Variants in ACTR3B observed in about 807,000 individuals in gnomAD.
The protein encoded by ACTR3B is actin-related protein 3B.
A neutral mutation model predicts 59.0 loss-of-function variants in ACTR3B; 8 were observed. That is an observed-to-expected ratio of 0.14 (90% CI 0.08 to 0.24). The LOEUF is 0.24. Among genes scored for constraint, ACTR3B ranks in the 10% least tolerant of loss-of-function variants. The pLI is 1.00. For missense variants in ACTR3B, 245 were observed against 552.3 expected, an observed-to-expected ratio of 0.44 and a Z score of 5.58; for synonymous variants, 148 against 197.9, an observed-to-expected ratio of 0.75 and a Z score of 2.12.
chr7:152,821,508 C>T (rs889956221), intron 7 of ACTR3B, among the ~76,000 whole-genome samples: 17 of 152,158 alleles, frequency 1.1e-4, no homozygotes, highest in African/African-American at 3.9e-4. Flanking sequence ...TTGTTATTGA[C>T]GCCCAGGGTC....
chr7:152,843,159 TG>T (rs1488975873), intron 9 of ACTR3B, among the ~76,000 whole-genome samples: 5 of 152,178 alleles, frequency 3.3e-5, no homozygotes, highest in Non-Finnish European at 7.3e-5. Context: ...TTCATATTCT[TG>T]GTGGTTTTTG....
In ACTR3B at chr7:152,853,479, T is replaced by C; in HGVS notation, c.1078-15T>C. 1 of 1,612,710 alleles carries C rather than the reference T, an allele frequency of 6.2e-7. No homozygotes were observed. The highest frequency in any genetic ancestry group is 1.1e-5 in the South Asian group (1 of 90,864). On this transcript the variant is annotated splice_polypyrimidine_tract_variant and intron_variant, in intron 10 of 11. Transcript: ENST00000256001. Reference sequence around the variant, plus strand: ...CTGTGGGTGTGGGGTAAGTGAGAGCTGCTTTCTCTTCCAGCCGAAGCCTGT... The same window carrying C: ...CTGTGGGTGTGGGGTAAGTGAGAGCCGCTTTCTCTTCCAGCCGAAGCCTGT...
intron 9 of ACTR3B, among the ~76,000 whole-genome samples, chr7:152,849,177 G>T (rs1413871010): frequency 6.6e-6 from 1 of 152,232 alleles, no homozygotes; most frequent in Non-Finnish European, 1.5e-5. Flanking sequence ...AGACTGCAGA[G>T]TTCTCAGGGC....
chr7:152,806,450 A>T (rs1395291724), intron 4 of ACTR3B, among the ~76,000 whole-genome samples: 1 of 152,264 alleles, frequency 6.6e-6, no homozygotes, highest in African/African-American at 2.4e-5. Flanking sequence ...GTATAAAAGC[A>T]GTAGTTTAAA....
intron 9 of ACTR3B, among the ~76,000 whole-genome samples, chr7:152,828,132 C>A (rs1482924517): frequency 6.6e-6 from 1 of 152,150 alleles, no homozygotes; most frequent in Non-Finnish European, 1.5e-5. Flanking sequence ...CTTATGGAAG[C>A]CTCGTTCTAA....
chr7:152,832,362 T>G (rs1202286345), intron 9 of ACTR3B, among the ~76,000 whole-genome samples: 2 of 152,084 alleles, frequency 1.3e-5, no homozygotes, highest in East Asian at 3.9e-4. Context: ...GGACCAAAGG[T>G]GTGCTCACAG....
In ACTR3B at chr7:152,826,068, T is replaced by G. The variant is rs540008559; in HGVS notation, c.951+946T>G. 3.4e-3 allele frequency among the ~76,000 whole-genome samples: 511 copies of G among 152,266 alleles called. 6 individuals carry two copies. Among genetic ancestry groups the G allele is most frequent in the Admixed American group, 8.0e-3 (123 of 15,286 alleles). On this transcript the variant is annotated intron_variant, in intron 9 of 11. Transcript: ENST00000256001. ...GCTCAGTGGCATGACTCACTCGCCTTACTCAGACTCAGGTCGCTGAATTGT... is the reference window on the plus strand; with the variant it reads ...GCTCAGTGGCATGACTCACTCGCCTGACTCAGACTCAGGTCGCTGAATTGT...
At chr7:152,789,100 A>T (rs1471926644) in intron 2 of ACTR3B, among the ~76,000 whole-genome samples, 1 of 151,538 alleles carries the variant, frequency 6.6e-6, no homozygotes, top group Non-Finnish European at 1.5e-5. Flanking sequence ...TTACACTCGT[A>T]CACAGAGGGC....
chr7:152,765,179 G>A (rs189823984), intron 1 of ACTR3B, among the ~76,000 whole-genome samples: 3 of 128,128 alleles, frequency 2.3e-5, no homozygotes, highest in African/African-American at 8.8e-5. Context: ...GTAGAATGGC[G>A]CGATCTTGGC....
chr7:152,793,197 G>T, intron 2 of ACTR3B, among the ~76,000 whole-genome samples: 1 of 46,928 alleles, frequency 2.1e-5, no homozygotes, highest in Non-Finnish European at 3.6e-5. Flanking sequence ...TGCCAAATTT[G>T]GCAGTTTAGC....
At chr7:152,819,548 G>A (rs1210793368) in intron 6 of ACTR3B, among the ~76,000 whole-genome samples, 1 of 152,148 alleles carries the variant, frequency 6.6e-6, no homozygotes, top group African/African-American at 2.4e-5. Context: ...GGGAGCTTTG[G>A]GCCCATCATT....
intron 1 of ACTR3B, among the ~76,000 whole-genome samples, chr7:152,767,474 A>G: frequency 6.6e-6 from 1 of 151,972 alleles, no homozygotes; most frequent in East Asian, 1.9e-4. Flanking sequence ...TGTATTTTCG[A>G]TTGTTGTTCC....
At chr7:152,852,330 A>G in intron 10 of ACTR3B, 79 bp downstream of exon 10, 1 of 1,509,028 alleles carries the variant, frequency 6.6e-7, no homozygotes. Flanking sequence ...ACAGAGCCGA[A>G]GGAGCTTGTC....
chr7:152,850,545 G>A (rs1590474678), intron 9 of ACTR3B, among the ~76,000 whole-genome samples: 1 of 152,262 alleles, frequency 6.6e-6, no homozygotes, highest in African/African-American at 2.4e-5. Context: ...GGCTTCCTGT[G>A]GCTTCTGCCC....
At position 152,850,797 on chromosome 7, in the gene ACTR3B, G is replaced by C. The variant is rs540229993; in HGVS notation, c.952-1329G>C. ...TCCGTGCTGATTCCCTGTGACTTCTGCTTACCTGTAAACTTGTTGAGGGAC... is the reference window on the plus strand; with the variant it reads ...TCCGTGCTGATTCCCTGTGACTTCTCCTTACCTGTAAACTTGTTGAGGGAC... On this transcript the variant is annotated intron_variant, in intron 9 of 11. Transcript: ENST00000256001. Among the ~76,000 whole-genome samples the C allele has an allele frequency of 1.4e-4, 22 of 152,224 alleles. No individual in the cohort carries two copies. In the South Asian group the frequency reaches 4.4e-3, roughly 30 times the overall value.
rs1026248328 is a variant in ACTR3B, at chr7:152,782,121, G to T, written c.45-1066G>T. Among the ~76,000 whole-genome samples, 3 of 151,916 alleles carry T rather than the reference G, an allele frequency of 2.0e-5. No individual in the cohort carries two copies. In the East Asian group the frequency reaches 5.8e-4, roughly 29 times the overall value. On this transcript the variant is annotated intron_variant, in intron 1 of 11. Transcript: ENST00000256001. ...ATATGGTAAACCATACTTAAAAATC[G>T]TAAAATTAATTTATTAGAATTTAGA... is the stretch of plus-strand genomic sequence containing the variant.
At chr7:152,853,333 G>A (rs959469312) in intron 10 of ACTR3B, among the ~76,000 whole-genome samples, 161 bp from the exon 11 acceptor site, 2 of 152,216 alleles carry the variant, frequency 1.3e-5, no homozygotes, top group South Asian at 4.1e-4. Flanking sequence ...AGGGGGATTT[G>A]GCAGCAGGGG....
chr7:152,771,517 G>A (rs1228786877), intron 1 of ACTR3B, among the ~76,000 whole-genome samples: 5 of 152,118 alleles, frequency 3.3e-5, no homozygotes, highest in African/African-American at 1.2e-4. Flanking sequence ...CGTAGACCAC[G>A]GTAGGAAAGA....
chr7:152,846,339 C>A (rs1245299468), intron 9 of ACTR3B, among the ~76,000 whole-genome samples: 1 of 141,634 alleles, frequency 7.1e-6, no homozygotes, highest in Non-Finnish European at 1.5e-5. Context: ...AGTGCCCGGG[C>A]TGTAGTCTGC....
Sources: gnomAD v4.1 joint callset for allele counts (sites outside exome capture counted in the v4.1 genomes callset) on GRCh38, gnomAD v4.1.1 for gene constraint, MANE v1.5 for transcripts, NCBI Gene and HGNC (gene_info 2026-07-23, HGNC 2026-07-21) for gene names.